The following PRICKLE2 variants were observed in gnomAD, a reference collection of about 807,000 sequenced individuals.
PRICKLE2 encodes prickle planar cell polarity protein 2.
Under a neutral mutation model 81.4 loss-of-function variants are expected in PRICKLE2, and 21 were observed. The observed-to-expected ratio is 0.26, with a 90% confidence interval of 0.18 to 0.37. PRICKLE2 has a LOEUF of 0.37. Among genes scored for constraint, PRICKLE2 ranks in the 10% least tolerant of loss-of-function variants. The probability of loss-of-function intolerance (pLI) is 1.00; values close to 1 mark genes in which losing one functional copy is unlikely to be tolerated. For synonymous variants in PRICKLE2, 456 were observed against 421.5 expected (o/e 1.08, Z -1.00); for missense variants, 940 against 1,109.0 (o/e 0.85, Z 2.16).
At chr3:64,164,292 G>A (rs1361366706) in intron 2 of PRICKLE2, among the ~76,000 whole-genome samples, 2 of 152,152 alleles carry the variant, frequency 1.3e-5, no homozygotes, top group African/African-American at 4.8e-5. Flanking sequence ...CAGGAGAATT[G>A]CTTGAACACA....
intron 2 of PRICKLE2, among the ~76,000 whole-genome samples, chr3:64,257,973 G>A (rs192692634): frequency 6.6e-6 from 1 of 152,232 alleles, no homozygotes; most frequent in African/African-American, 2.4e-5. Flanking sequence ...ACAGCAATAA[G>A]TCACCATCTA....
intron 7 of PRICKLE2, among the ~76,000 whole-genome samples, chr3:64,132,727 GT>G (rs1559528751): frequency 6.6e-6 from 1 of 152,208 alleles, no homozygotes; most frequent in Non-Finnish European, 1.5e-5. Flanking sequence ...AGATAAAACA[GT>G]GTGGCTGGGG....
chr3:64,171,721 G>A (rs116293283), intron 2 of PRICKLE2, among the ~76,000 whole-genome samples: 411 of 152,318 alleles, frequency 2.7e-3, no homozygotes, highest in African/African-American at 9.0e-3. Flanking sequence ...ATAAACAAGC[G>A]AGATTTCAAG....
At chr3:64,110,762 G>A (rs151163166) in intron 7 of PRICKLE2, among the ~76,000 whole-genome samples, 2 of 152,090 alleles carry the variant, frequency 1.3e-5, no homozygotes, top group South Asian at 2.1e-4. Flanking sequence ...GGAACATTGT[G>A]AGCAAGGAGG....
Position 64,147,299 on chromosome 3 carries a change from C to G in PRICKLE2, c.1191G>C (p.Arg397=). The G allele has an allele frequency of 1.2e-6, 2 of 1,613,618 alleles. No individual in the cohort carries two copies. Among genetic ancestry groups the G allele is most frequent in the South Asian group, 2.2e-5 (2 of 91,076 alleles). The change falls in exon 7 of 8, where the codon CGG becomes CGC. Residue 397 remains arginine, a synonymous_variant. Transcript: ENST00000638394. The surrounding 1 kb of genome is among the most constrained non-coding windows in gnomAD (Gnocchi z 5.0). Reference sequence around the variant, plus strand: ...TGTTCCCATAATGGTAGGGCTCTTCCCGGCTCCTCCAGATGGGGTCCCGGT... The same window carrying G: ...TGTTCCCATAATGGTAGGGCTCTTCGCGGCTCCTCCAGATGGGGTCCCGGT... ...SLNRDPIWRS[R]EEPYHYGNKM... is the part of the protein sequence containing the mutation.
At chr3:64,236,022 T>G (rs559790835) in intron 2 of PRICKLE2, among the ~76,000 whole-genome samples, 1 of 152,340 alleles carries the variant, frequency 6.6e-6, no homozygotes, top group South Asian at 2.1e-4. Context: ...CTCTTCTTAC[T>G]AAGATTTAGA....
At chr3:64,149,249 C>G (rs1481157746) in intron 6 of PRICKLE2, among the ~76,000 whole-genome samples, 1 of 152,138 alleles carries the variant, frequency 6.6e-6, no homozygotes, top group Non-Finnish European at 1.5e-5. Flanking sequence ...AGGCCGTGAG[C>G]TTTGGGTGGG....
intron 2 of PRICKLE2, among the ~76,000 whole-genome samples, chr3:64,177,433 T>A (rs2078046215): frequency 6.6e-6 from 1 of 152,090 alleles, no homozygotes; most frequent in Admixed American, 6.6e-5. Flanking sequence ...ATGCCTGGCC[T>A]CATTTTAACC....
At chr3:64,121,380 C>T (rs1167128498) in intron 7 of PRICKLE2, among the ~76,000 whole-genome samples, 1 of 152,112 alleles carries the variant, frequency 6.6e-6, no homozygotes, top group East Asian at 1.9e-4. Flanking sequence ...GGAAACAGAA[C>T]CCCTTCTCTA....
intron 7 of PRICKLE2, among the ~76,000 whole-genome samples, chr3:64,103,991 CAAAT>C (rs1285262094): frequency 1.3e-5 from 2 of 152,056 alleles, no homozygotes; most frequent in East Asian, 1.9e-4. Context: ...AAAAAATAAA[CAAAT>C]AAATAAATAA....
chr3:64,155,824 CCA>C (rs754132294), intron 5 of PRICKLE2, among the ~76,000 whole-genome samples: 3 of 152,020 alleles, frequency 2.0e-5, no homozygotes, highest in Non-Finnish European at 4.4e-5. Flanking sequence ...ACATGTAAAT[CCA>C]CAGAGACAGA....
chr3:64,238,870 G>A (rs2079220436), intron 2 of PRICKLE2, among the ~76,000 whole-genome samples: 1 of 152,190 alleles, frequency 6.6e-6, no homozygotes, highest in Non-Finnish European at 1.5e-5. Flanking sequence ...ATCTTGCTCT[G>A]TACAGCGAGG....
rs796329148 is a variant in PRICKLE2 at position 64,204,459 on chromosome 3, G to C, written c.-40-5492C>G. Among the ~76,000 whole-genome samples the C allele has an allele frequency of 7.2e-5, 11 of 152,230 alleles. 1 individual carries two copies. The highest frequency in any genetic ancestry group is 2.6e-4 in the African/African-American group (11 of 41,550). On this transcript the variant is annotated intron_variant, in intron 1 of 7. Transcript: ENST00000638394. ...GAGCAGTTGATCAACCCTAAATAGT[G>C]AGCAGAACATGGACTCAAAGTAGGC... is the stretch of plus-strand genomic sequence containing the variant.
intron 7 of PRICKLE2, among the ~76,000 whole-genome samples, chr3:64,115,079 A>C (rs2076913454): frequency 6.6e-6 from 1 of 152,216 alleles, no homozygotes; most frequent in African/African-American, 2.4e-5. Context: ...TCCAACCCAG[A>C]ATTTCATATC....
intron 7 of PRICKLE2, 24 bp downstream of exon 7, chr3:64,146,806 G>A (rs996763466): frequency 6.2e-7 from 1 of 1,613,610 alleles, no homozygotes; most frequent in Non-Finnish European, 8.5e-7. Flanking sequence ...CTTTCTATCT[G>A]TTTTCAAGGT....
chr3:64,179,541 T>C (rs1009451867), intron 2 of PRICKLE2, among the ~76,000 whole-genome samples: 2 of 152,202 alleles, frequency 1.3e-5, no homozygotes, highest in Admixed American at 1.3e-4. Context: ...ATTCAGTCTG[T>C]GAGCTGGAAT....
At chr3:64,210,279 C>T (rs1187430338) in intron 1 of PRICKLE2, among the ~76,000 whole-genome samples, 5 of 152,176 alleles carry the variant, frequency 3.3e-5, no homozygotes, top group Non-Finnish European at 4.4e-5. Context: ...AACTCCCTGC[C>T]CCTAGCCACA....
intron 2 of PRICKLE2, among the ~76,000 whole-genome samples, chr3:64,235,754 G>A (rs1012251710): frequency 1.3e-5 from 2 of 152,172 alleles, no homozygotes; most frequent in African/African-American, 4.8e-5. Flanking sequence ...TTGTTCCACA[G>A]TCTGATCTGA....
At chr3:64,118,450 C>T (rs1285149628) in intron 7 of PRICKLE2, among the ~76,000 whole-genome samples, 1 of 151,940 alleles carries the variant, frequency 6.6e-6, no homozygotes, top group African/African-American at 2.4e-5. Flanking sequence ...CTAAGCATCT[C>T]ACAAAGGTCT....
Sources: allele counts gnomAD v4.1 joint callset (sites outside exome capture counted in the v4.1 genomes callset), GRCh38; gene constraint gnomAD v4.1.1; non-coding constraint Gnocchi (gnomAD v3.1); transcripts MANE v1.5; gene names NCBI Gene and HGNC (gene_info 2026-07-23, HGNC 2026-07-21).